ADGRB3: variants seen among roughly 807,000 people sequenced by gnomAD.
ADGRB3 encodes the protein adhesion G protein-coupled receptor B3.
Under a neutral mutation model 193.4 loss-of-function variants are expected in ADGRB3, and 37 were observed. The observed-to-expected ratio is 0.19, with a 90% CI of 0.15 to 0.25. ADGRB3 has a LOEUF of 0.25. Ranked by LOEUF, ADGRB3 falls within the 10% of genes least tolerant of loss-of-function variation. The pLI is 1.00. For missense variants in ADGRB3, 1,637 were observed against 1,852.9 expected (o/e 0.88, Z 2.14); for synonymous variants, 690 against 644.2 (o/e 1.07, Z -1.08).
intron 20 of ADGRB3, among the ~76,000 whole-genome samples, chr6:69,297,340 ATCTCTC>A (rs386407481): frequency 1.5e-4 from 17 of 111,936 alleles, no homozygotes; most frequent in African/African-American, 4.7e-4. Context: ...TTCTACTGAT[ATCTCTC>A]TCTCTCTCTC....
chr6:68,901,268 C>G (rs1272852676), intron 3 of ADGRB3, among the ~76,000 whole-genome samples: 1 of 152,068 alleles, frequency 6.6e-6, no homozygotes, highest in African/African-American at 2.4e-5. Context: ...GGTTCTACTT[C>G]CAGGCACACT....
chr6:68,672,331 A>T, intron 3 of ADGRB3, among the ~76,000 whole-genome samples: 1 of 149,116 alleles, frequency 6.7e-6, no homozygotes, highest in African/African-American at 2.5e-5. Flanking sequence ...TACTTTTCTG[A>T]TTCTTTTTTT....
chr6:69,336,740 A>G (rs1768858542), intron 24 of ADGRB3, among the ~76,000 whole-genome samples: 1 of 152,114 alleles, frequency 6.6e-6, no homozygotes, highest in Non-Finnish European at 1.5e-5. Context: ...AATTTTATAA[A>G]TGAATAATTT....
rs190199139 is a variant in ADGRB3 at position 68,733,362 on chromosome 6, C to T, written c.757+93930C>T. Among the ~76,000 whole-genome samples, 892 of 151,118 alleles carry T rather than the reference C, an allele frequency of 5.9e-3. 1 individual carries two copies. The highest frequency in any genetic ancestry group is 0.014 in the Middle Eastern group (4 of 284). On this transcript the variant is annotated intron_variant, in intron 3 of 31. Coordinates refer to ENST00000370598, the MANE Select transcript of ADGRB3 (RefSeq NM_001704.3). Reference sequence around the variant, plus strand: ...TTTGCAACGTAGATGCAGCCTGAGGCCATTATCCTAAGTAAAATAATTCAG... The same window carrying T: ...TTTGCAACGTAGATGCAGCCTGAGGTCATTATCCTAAGTAAAATAATTCAG...
intron 8 of ADGRB3, among the ~76,000 whole-genome samples, chr6:68,970,468 C>T (rs1344186136): frequency 6.6e-6 from 1 of 151,964 alleles, no homozygotes; most frequent in Admixed American, 6.6e-5. Context: ...AGGTGCACGC[C>T]ACCACACCCA....
chr6:68,732,235 C>A (rs1582155863), intron 3 of ADGRB3, among the ~76,000 whole-genome samples: 1 of 151,786 alleles, frequency 6.6e-6, no homozygotes, highest in African/African-American at 2.4e-5. Context: ...TAAACTGTGG[C>A]ATGGGAGTTT....
At chr6:68,737,926 T>C (rs1326850825) in intron 3 of ADGRB3, among the ~76,000 whole-genome samples, 1 of 152,132 alleles carries the variant, frequency 6.6e-6, no homozygotes, top group Non-Finnish European at 1.5e-5. Context: ...AATAAATATG[T>C]TAATCAATTA....
At chr6:69,260,817 A>G (rs893128861) in intron 20 of ADGRB3, among the ~76,000 whole-genome samples, 1 of 152,086 alleles carries the variant, frequency 6.6e-6, no homozygotes, top group Non-Finnish European at 1.5e-5. Flanking sequence ...GTAGTTTTTC[A>G]CAGTTTATTG....
rs535317410 is a variant in ADGRB3, at chr6:69,297,340, A to ATATC, written c.2815-27531_2815-27530insATCT. Among the ~76,000 whole-genome samples, 19 of 111,942 alleles carry ATATC rather than the reference A, an allele frequency of 1.7e-4. No individual in the cohort carries two copies. In the South Asian group the frequency reaches 2.3e-3, roughly 14 times the overall value. 73.4% of individuals were successfully genotyped at this position (111,942 alleles called of 152,430 possible). A position where few individuals can be genotyped will look rare whatever the true frequency, so the allele number is the denominator to read the frequency against. On this transcript the variant is annotated intron_variant, in intron 20 of 31. Coordinates refer to ENST00000370598, the MANE Select transcript of ADGRB3 (RefSeq NM_001704.3). ...AAAAATTAAGGACACTTCTACTGATATCTCTCTCTCTCTCTCTCTCTCTCT... is the reference window on the plus strand; with the variant it reads ...AAAAATTAAGGACACTTCTACTGATATATCTCTCTCTCTCTCTCTCTCTCTCTCT...
intron 17 of ADGRB3, among the ~76,000 whole-genome samples, chr6:69,089,764 C>T (rs762823977): frequency 5.9e-5 from 9 of 152,178 alleles, no homozygotes; most frequent in Admixed American, 2.0e-4. Context: ...GTAGGAGCAT[C>T]TCTCAATCTT....
intron 6 of ADGRB3, among the ~76,000 whole-genome samples, chr6:68,945,796 A>G (rs1767760461): frequency 1.3e-5 from 2 of 152,154 alleles, no homozygotes; most frequent in South Asian, 2.1e-4. Context: ...TAGAGAGGCT[A>G]TGTTACAGTT....
At chr6:69,232,323 A>C (rs966767669) in intron 17 of ADGRB3, 44 of 1,030,166 alleles carry the variant, frequency 4.3e-5, no homozygotes, top group Non-Finnish European at 5.1e-5. Context: ...TGGGGGTGGA[A>C]GGGTTCTCCC....
At chr6:69,373,505 G>A (rs1049801964) in intron 30 of ADGRB3, among the ~76,000 whole-genome samples, 1 of 151,948 alleles carries the variant, frequency 6.6e-6, no homozygotes, top group African/African-American at 2.4e-5. Flanking sequence ...TTTTATCTAC[G>A]ATTAAATAGC....
chr6:68,700,274 A>C (rs1348784178), intron 3 of ADGRB3, among the ~76,000 whole-genome samples: 1 of 152,176 alleles, frequency 6.6e-6, no homozygotes, highest in African/African-American at 2.4e-5. Flanking sequence ...GCATTAAATA[A>C]GTATGCTATC....
intron 3 of ADGRB3, among the ~76,000 whole-genome samples, chr6:68,873,245 T>C (rs1467774663): frequency 6.6e-6 from 1 of 152,078 alleles, no homozygotes; most frequent in Non-Finnish European, 1.5e-5. Flanking sequence ...ATAAACATGC[T>C]AGCATTGTAT....
intron 20 of ADGRB3, among the ~76,000 whole-genome samples, chr6:69,323,482 T>C (rs886146270): frequency 2.0e-5 from 3 of 152,056 alleles, no homozygotes; most frequent in African/African-American, 7.2e-5. Context: ...AGAGTATAGG[T>C]ATGAGGAAGT....
At chr6:68,690,716 A>C (rs1765057951) in intron 3 of ADGRB3, among the ~76,000 whole-genome samples, 1 of 152,252 alleles carries the variant, frequency 6.6e-6, no homozygotes, top group Admixed American at 6.5e-5. Flanking sequence ...AAGAGATTGG[A>C]TAACAGCTAC....
intron 20 of ADGRB3, among the ~76,000 whole-genome samples, chr6:69,275,595 C>T (rs974297073): frequency 6.6e-6 from 1 of 151,572 alleles, no homozygotes; most frequent in Non-Finnish European, 1.5e-5. Flanking sequence ...GATCCAGACA[C>T]CAGTATAATA....
At chr6:69,277,997 G>A (rs1034977512) in intron 20 of ADGRB3, among the ~76,000 whole-genome samples, 1 of 152,210 alleles carries the variant, frequency 6.6e-6, no homozygotes, top group African/African-American at 2.4e-5. Flanking sequence ...CGTGAATAGT[G>A]TTCTGAGCTT....
Sources: gnomAD v4.1 joint callset for allele counts (sites outside exome capture counted in the v4.1 genomes callset) on GRCh38, gnomAD v4.1.1 for gene constraint, MANE v1.5 for transcripts, NCBI Gene and HGNC (gene_info 2026-07-23, HGNC 2026-07-21) for gene names.